DAB2IP: variants seen among roughly 807,000 people sequenced by gnomAD.
The protein encoded by DAB2IP is DAB2 interacting protein, also known as disabled homolog 2-interacting protein.
A neutral mutation model predicts 107.2 loss-of-function variants in DAB2IP; 28 were observed. That is an observed-to-expected ratio of 0.26 (90% confidence interval 0.19 to 0.36). The LOEUF (loss-of-function observed/expected upper bound fraction) is 0.36, where lower values mean the gene tolerates loss of function less well. Ranked by LOEUF, DAB2IP falls within the 10% of genes least tolerant of loss-of-function variation. The pLI is 1.00. For missense variants in DAB2IP, 1,400 were observed against 1,644.7 expected (o/e 0.85, Z 2.57); for synonymous variants, 755 against 706.4 (o/e 1.07, Z -1.09).
intron 1 of DAB2IP, among the ~76,000 whole-genome samples, chr9:121,612,577 C>A (rs182564406): frequency 7.2e-5 from 11 of 152,226 alleles, no homozygotes; most frequent in African/African-American, 2.4e-4. Flanking sequence ...AGCAGGCATG[C>A]GGGGTAAAGG....
At chr9:121,596,624 A>AT (rs1204233863) in intron 1 of DAB2IP, among the ~76,000 whole-genome samples, 1 of 150,822 alleles carries the variant, frequency 6.6e-6, no homozygotes, top group Non-Finnish European at 1.5e-5. Flanking sequence ...CTAATCATTT[A>AT]TTTTTGCTGC....
chr9:121,588,699 T>A (rs1174726969), intron 1 of DAB2IP, among the ~76,000 whole-genome samples: 1 of 149,814 alleles, frequency 6.7e-6, no homozygotes, highest in Non-Finnish European at 1.5e-5. Flanking sequence ...ATGCAGTCAG[T>A]GCAAGCCTCA....
Position 121,782,187 on chromosome 9 carries a change from C to A in DAB2IP, c.3403-144C>A. ...ATGATGCTGCAGAGGCCTCTGCCTA[C>A]CTTCTCTTGCCAGCTGCTCACAGCC... On this transcript the variant is annotated intron_variant, in intron 15 of 15. Coordinates refer to ENST00000408936, the Ensembl canonical transcript of DAB2IP. The surrounding 1 kb of genome is among the most constrained non-coding windows in gnomAD (Gnocchi z 6.1). The A allele has an allele frequency of 7.3e-7, 1 of 1,363,590 alleles. No individual in the cohort carries two copies. Among genetic ancestry groups the A allele is most frequent in the Non-Finnish European group, 9.8e-7 (1 of 1,022,720 alleles). 84.5% of individuals were successfully genotyped at this position (1,363,590 alleles called of 1,614,324 possible).
At chr9:121,593,266 T>C (rs1447613666) in intron 1 of DAB2IP, among the ~76,000 whole-genome samples, 1 of 152,094 alleles carries the variant, frequency 6.6e-6, no homozygotes, top group Non-Finnish European at 1.5e-5. Context: ...TGGAATTTTG[T>C]TGTTGTTGTT....
intron 1 of DAB2IP, among the ~76,000 whole-genome samples, chr9:121,641,251 G>A (rs1396496641): frequency 1.3e-5 from 2 of 152,222 alleles, no homozygotes; most frequent in Non-Finnish European, 2.9e-5. Context: ...GCAGAGCTGG[G>A]ATTGTTCTCA....
intron 1 of DAB2IP, among the ~76,000 whole-genome samples, chr9:121,606,033 A>G (rs981865043): frequency 2.0e-5 from 3 of 152,176 alleles, no homozygotes; most frequent in Non-Finnish European, 4.4e-5. Context: ...AGGGAAAGAA[A>G]AAAATGAGGA....
At chr9:121,646,078 G>T (rs1245957811) in intron 1 of DAB2IP, among the ~76,000 whole-genome samples, 2 of 152,162 alleles carry the variant, frequency 1.3e-5, no homozygotes, top group Non-Finnish European at 2.9e-5. Flanking sequence ...ACTCCCCGAG[G>T]CTCTGTCTCT....
At chr9:121,578,530 A>G (rs1282490542) in intron 1 of DAB2IP, among the ~76,000 whole-genome samples, 1 of 151,328 alleles carries the variant, frequency 6.6e-6, no homozygotes, top group East Asian at 2.0e-4. Flanking sequence ...TTTTTGCTTC[A>G]GTTCTCCTCT....
In DAB2IP at chr9:121,755,558, A is replaced by G. The variant is rs1034341024; in HGVS notation, c.363-1455A>G. On this transcript the variant is annotated intron_variant, in intron 3 of 15. Coordinates refer to ENST00000408936, the Ensembl canonical transcript of DAB2IP. ...CTCTGTGGGGTATCTAAGGGTTGGGATTCCCTCAGCTCTGACTCCTTACGG... is the reference window on the plus strand; with the variant it reads ...CTCTGTGGGGTATCTAAGGGTTGGGGTTCCCTCAGCTCTGACTCCTTACGG... Among the ~76,000 whole-genome samples the G allele has an allele frequency of 1.3e-4, 20 of 152,196 alleles. No individual in the cohort carries two copies. In the East Asian group the frequency reaches 3.5e-3, roughly 27 times the overall value.
intron 3 of DAB2IP, among the ~76,000 whole-genome samples, chr9:121,738,740 T>G (rs1465312286): frequency 6.6e-6 from 1 of 152,262 alleles, no homozygotes; most frequent in Non-Finnish European, 1.5e-5. Flanking sequence ...TCTTGATTTC[T>G]TGTGTCTCTC....
intron 3 of DAB2IP, among the ~76,000 whole-genome samples, chr9:121,700,449 C>A (rs1014573351): frequency 1.3e-5 from 2 of 152,198 alleles, no homozygotes; most frequent in Non-Finnish European, 2.9e-5. Context: ...CCCTGCCCAG[C>A]CTGTGGAGGT....
intron 1 of DAB2IP, among the ~76,000 whole-genome samples, chr9:121,670,088 C>T (rs1032766688): frequency 1.3e-5 from 2 of 152,182 alleles, no homozygotes; most frequent in African/African-American, 4.8e-5. Context: ...CCACCACCAT[C>T]CCTAACCCCT....
chr9:121,758,684 G>A (rs1264329700), intron 4 of DAB2IP, among the ~76,000 whole-genome samples: 2 of 152,160 alleles, frequency 1.3e-5, no homozygotes, highest in African/African-American at 4.8e-5. Context: ...GCCACTCTCC[G>A]GCTGCTGACT....
At chr9:121,685,133 C>A (rs537618556) in intron 2 of DAB2IP, among the ~76,000 whole-genome samples, 7 of 152,258 alleles carry the variant, frequency 4.6e-5, no homozygotes, top group African/African-American at 1.7e-4. Flanking sequence ...CAAACCCTGC[C>A]CCCTCCGCCC....
rs1832056951 is a variant in DAB2IP at position 121,635,552 on chromosome 9, C to T, written c.41-43126C>T. ...GTGAAGGAGGCACTGGCTTTGCTGC[C>T]AACATGGCCTGTCTGCAGGGAAGAA... On this transcript the variant is annotated intron_variant, in intron 1 of 16. Coordinates refer to the DAB2IP transcript ENST00000259371. This position sits in a 1 kb window ranked among gnomAD's most constrained non-coding sequence, Gnocchi z 4.3. Among the ~76,000 whole-genome samples the T allele has an allele frequency of 6.6e-6, 1 of 151,972 alleles. No homozygotes were observed. The highest frequency in any genetic ancestry group is 1.5e-5 in the Non-Finnish European group (1 of 67,998).
At chr9:121,602,373 C>A (rs775734644) in intron 1 of DAB2IP, among the ~76,000 whole-genome samples, 1 of 152,012 alleles carries the variant, frequency 6.6e-6, no homozygotes, top group Non-Finnish European at 1.5e-5. Flanking sequence ...GATTGGTGTG[C>A]CTTAGACGAG....
At chr9:121,649,496 CCCCT>C (rs2119054857), upstream of DAB2IP, among the ~76,000 whole-genome samples, 1 of 102,798 alleles carries the variant, frequency 9.7e-6, no homozygotes, top group Non-Finnish European at 2.5e-5. Context: ...AGCCTCCCGT[CCCCT>C]CCAGGGAGGG....
intron 2 of DAB2IP, among the ~76,000 whole-genome samples, chr9:121,680,868 G>A (rs1052216131): frequency 3.3e-5 from 5 of 151,142 alleles, no homozygotes; most frequent in African/African-American, 9.7e-5. Flanking sequence ...TCAGCCCCCC[G>A]AGTAGCTGGG....
rs753028894 is a variant in DAB2IP, at chr9:121,748,393, G to A, written c.363-8620G>A. ...GTGTCCCACAGAGGGTGACCAGGCC[G>A]TTAGAACCCCAGCTTTCACTTCTGG... On this transcript the variant is annotated intron_variant, in intron 3 of 15. Transcript: ENST00000408936. Among the ~76,000 whole-genome samples the A allele has an allele frequency of 6.6e-5, 10 of 152,150 alleles. No individual in the cohort carries two copies. In the East Asian group the frequency reaches 1.7e-3, roughly 26 times the overall value.
Sources: gnomAD v4.1 joint callset for allele counts (sites outside exome capture counted in the v4.1 genomes callset) on GRCh38, gnomAD v4.1.1 for gene constraint, Gnocchi (gnomAD v3.1) non-coding constraint, MANE v1.5 for transcripts, NCBI Gene and HGNC (gene_info 2026-07-23, HGNC 2026-07-21) for gene names.